The following SGCZ variants were observed in gnomAD, a reference collection of about 807,000 sequenced individuals.
The protein encoded by SGCZ is zeta-sarcoglycan.
In SGCZ, 40 loss-of-function variants were observed where a neutral mutation model predicts 41.3. The ratio of observed to expected loss-of-function variants is 0.97; its 90% CI spans 0.75 to 1.26. The LOEUF is 1.26. SGCZ is among the 50% of genes most tolerant of loss of function. The pLI, the probability that SGCZ is intolerant of heterozygous loss-of-function variation, is 0.00. For synonymous variants in SGCZ, 206 were observed against 137.5 expected, an observed-to-expected ratio of 1.50 and a Z score of -3.49; for missense variants, 552 against 369.8, an observed-to-expected ratio of 1.49 and a Z score of -4.04.
intron 2 of SGCZ, among the ~76,000 whole-genome samples, chr8:14,553,366 T>A (rs1263487318): frequency 1.3e-5 from 2 of 152,080 alleles, no homozygotes; most frequent in Non-Finnish European, 2.9e-5. Flanking sequence ...CATGGCCTCA[T>A]GCCTTGATCC....
chr8:14,186,080 T>C (rs770244336), intron 4 of SGCZ, among the ~76,000 whole-genome samples: 25 of 152,296 alleles, frequency 1.6e-4, no homozygotes, highest in Middle Eastern at 3.4e-3. Context: ...TCTCAGGGAA[T>C]GGGGCCACAG....
At chr8:14,459,498 G>A (rs73519346) in intron 2 of SGCZ, among the ~76,000 whole-genome samples, 1,791 of 152,228 alleles carry the variant, frequency 0.012, 40 homozygotes, top group African/African-American at 0.042. Context: ...CGAAAATCAA[G>A]TATCGTTAAT....
intron 2 of SGCZ, among the ~76,000 whole-genome samples, chr8:14,383,826 A>C (rs1164057969): frequency 2.6e-5 from 4 of 152,122 alleles, no homozygotes; most frequent in East Asian, 3.9e-4. Flanking sequence ...GACCTTCAAA[A>C]CTCAGCGAAG....
chr8:15,129,707 CA>C (rs59401421), intron 1 of SGCZ, among the ~76,000 whole-genome samples: 184 of 107,856 alleles, frequency 1.7e-3, no homozygotes, highest in African/African-American at 5.6e-3. Context: ...GAAGCATTTG[CA>C]AAAAAAAAAA....
At chr8:14,641,069 G>C (rs112515453) in intron 1 of SGCZ, among the ~76,000 whole-genome samples, 1 of 151,546 alleles carries the variant, frequency 6.6e-6, no homozygotes, top group African/African-American at 2.4e-5. Context: ...TTCCCATCTT[G>C]TCCAGTGGTA....
chr8:14,698,715 C>A (rs772863780), intron 1 of SGCZ, among the ~76,000 whole-genome samples: 1 of 152,032 alleles, frequency 6.6e-6, no homozygotes, highest in South Asian at 2.1e-4. Context: ...AGCTTTAAAT[C>A]AGCACAAGTA....
chr8:15,010,873 C>A (rs1585469734), intron 1 of SGCZ, among the ~76,000 whole-genome samples: 1 of 152,198 alleles, frequency 6.6e-6, no homozygotes, highest in Admixed American at 6.5e-5. Flanking sequence ...ATAATTTGCA[C>A]AGATGCTGCT....
At chr8:14,833,094 G>A (rs1427527019) in intron 1 of SGCZ, among the ~76,000 whole-genome samples, 1 of 151,886 alleles carries the variant, frequency 6.6e-6, no homozygotes, top group Non-Finnish European at 1.5e-5. Flanking sequence ...TGAATTATTG[G>A]TAAGTAAATG....
intron 1 of SGCZ, among the ~76,000 whole-genome samples, chr8:15,009,837 A>G (rs1439908821): frequency 6.6e-6 from 1 of 152,170 alleles, no homozygotes; most frequent in East Asian, 1.9e-4. Context: ...AAATTCTTAA[A>G]ATAATTTTAA....
chr8:14,803,698 C>G (rs1322447393), intron 1 of SGCZ, among the ~76,000 whole-genome samples: 2 of 151,830 alleles, frequency 1.3e-5, no homozygotes, highest in East Asian at 3.9e-4. Context: ...ACAAAGCAGC[C>G]AGGAAGCTCA....
At chr8:14,090,783 A>T in intron 7 of SGCZ, 146 bp from the exon 8 acceptor site, 1 of 702,008 alleles carries the variant, frequency 1.4e-6, no homozygotes, top group Non-Finnish European at 2.3e-6. Flanking sequence ...GAACAAACAA[A>T]TTACATTCCT....
At chr8:15,064,051 T>A (rs1320621267) in intron 1 of SGCZ, among the ~76,000 whole-genome samples, 2 of 152,294 alleles carry the variant, frequency 1.3e-5, no homozygotes, top group East Asian at 3.9e-4. Flanking sequence ...TTCAGGATAT[T>A]TCTTTTGGGT....
intron 2 of SGCZ, among the ~76,000 whole-genome samples, chr8:14,356,885 TAAAAC>T (rs985796873): frequency 2.0e-5 from 3 of 152,028 alleles, no homozygotes; most frequent in African/African-American, 7.2e-5. Context: ...GATTCAGAAA[TAAAAC>T]AAAATATTTT....
chr8:15,045,263 A>G (rs1804260854), intron 1 of SGCZ, among the ~76,000 whole-genome samples: 2 of 152,082 alleles, frequency 1.3e-5, no homozygotes, highest in South Asian at 4.1e-4. Context: ...ATAGATTGGG[A>G]GATCAGAGAC....
intron 1 of SGCZ, among the ~76,000 whole-genome samples, chr8:14,783,566 A>G (rs1314703588): frequency 6.7e-6 from 1 of 150,146 alleles, no homozygotes; most frequent in Admixed American, 6.6e-5. Context: ...TAAAATAACT[A>G]TAACATAATA....
intron 1 of SGCZ, among the ~76,000 whole-genome samples, chr8:14,670,792 G>A (rs955804540): frequency 6.6e-6 from 1 of 152,144 alleles, no homozygotes; most frequent in South Asian, 2.1e-4. Context: ...TGATGAAACT[G>A]GGACCTAAAG....
rs151163754 is a variant in SGCZ, at chr8:14,747,660, C to CATTATTATTATTATTATT, written c.40-192752_40-192735dup. Among the ~76,000 whole-genome samples, 640 of 139,504 alleles carry CATTATTATTATTATTATT rather than the reference C, an allele frequency of 4.6e-3. 4 individuals carry two copies. The highest frequency in any genetic ancestry group is 9.0e-3 in the South Asian group (38 of 4,222). 91.5% of individuals were successfully genotyped at this position (139,504 alleles called of 152,430 possible). On this transcript the variant is annotated intron_variant, in intron 1 of 7. Coordinates refer to ENST00000382080, the MANE Select transcript of SGCZ (RefSeq NM_139167.4). ...CCTGGTACAGGGAAAGGGTACAAGGCATTATTATTATTATTATTATTATTA... is the reference window on the plus strand; with the variant it reads ...CCTGGTACAGGGAAAGGGTACAAGGCATTATTATTATTATTATTATTATTATTATTATTATTATTATTA...
intron 3 of SGCZ, among the ~76,000 whole-genome samples, chr8:14,316,905 C>T (rs764932651): frequency 2.6e-5 from 4 of 151,380 alleles, no homozygotes; most frequent in Non-Finnish European, 5.9e-5. Flanking sequence ...CCAGCATGCT[C>T]ATCTAACAGA....
intron 1 of SGCZ, among the ~76,000 whole-genome samples, chr8:14,821,146 TCA>T (rs1250736066): frequency 6.6e-6 from 1 of 151,926 alleles, no homozygotes; most frequent in Non-Finnish European, 1.5e-5. Context: ...AAAACTGATG[TCA>T]CAGAAATACA....
Sources: gnomAD v4.1 joint callset for allele counts (sites outside exome capture counted in the v4.1 genomes callset) on GRCh38, gnomAD v4.1.1 for gene constraint, MANE v1.5 for transcripts, NCBI Gene and HGNC (gene_info 2026-07-23, HGNC 2026-07-21) for gene names.